PXDNL: variants seen among roughly 807,000 people sequenced by gnomAD.
The protein encoded by PXDNL is peroxidasin like.
Under a neutral mutation model 150.8 loss-of-function variants are expected in PXDNL, and 145 were observed. The ratio of observed to expected loss-of-function variants is 0.96; its 90% CI spans 0.84 to 1.10. The LOEUF (loss-of-function observed/expected upper bound fraction) is 1.10. Ranked by LOEUF, PXDNL falls within the 50% of genes least tolerant of loss-of-function variation. The pLI is 0.00. For synonymous variants in PXDNL, 757 were observed against 725.7 expected (o/e 1.04, Z -0.69); for missense variants, 2,087 against 1,873.9 (o/e 1.11, Z -2.10).
In PXDNL at chr8:51,645,456, G is replaced by A. The variant is rs183284573; in HGVS notation, c.236+9233C>T. Among the ~76,000 whole-genome samples, 277 of 152,296 alleles carry A rather than the reference G, an allele frequency of 1.8e-3. 1 individual carries two copies. Among genetic ancestry groups the A allele is most frequent in the Non-Finnish European group, 2.8e-3 (188 of 68,024 alleles). On this transcript the variant is annotated intron_variant, in intron 2 of 22. Transcript: ENST00000356297. ...ATTGAGATCATATAACATCTATTTA[G>A]AGGATCACACGGCTGCTTGAGGAGC...
intron 4 of PXDNL, among the ~76,000 whole-genome samples, chr8:51,550,141 G>A (rs903885627): frequency 5.3e-5 from 8 of 152,078 alleles, no homozygotes; most frequent in African/African-American, 1.7e-4. Context: ...GGAAGAAATA[G>A]AAACTCTGAA....
At chr8:51,608,620 G>A (rs1202402785) in intron 2 of PXDNL, among the ~76,000 whole-genome samples, 1 of 148,526 alleles carries the variant, frequency 6.7e-6, no homozygotes, top group Non-Finnish European at 1.5e-5. Flanking sequence ...GGCAGATCAC[G>A]AGGTCAGGAG....
chr8:51,563,270 G>A (rs7006276), intron 3 of PXDNL, among the ~76,000 whole-genome samples: 32,282 of 151,930 alleles, frequency 0.21, 3,745 homozygotes, highest in African/African-American at 0.29. Context: ...TCAAGGTCTG[G>A]CACTGTTTGG....
At chr8:51,770,296 C>T (rs2037278818) in intron 1 of PXDNL, among the ~76,000 whole-genome samples, 1 of 152,338 alleles carries the variant, frequency 6.6e-6, no homozygotes, top group Middle Eastern at 3.4e-3. Context: ...TGTACAGAAC[C>T]ACACACACCA....
intron 1 of PXDNL, among the ~76,000 whole-genome samples, chr8:51,703,038 T>C (rs778977646): frequency 1.3e-5 from 2 of 152,198 alleles, no homozygotes; most frequent in South Asian, 2.1e-4. Flanking sequence ...TTCTACACTT[T>C]ACATTCACTA....
intron 3 of PXDNL, among the ~76,000 whole-genome samples, chr8:51,588,290 G>C (rs949260183): frequency 1.3e-5 from 2 of 152,146 alleles, no homozygotes; most frequent in African/African-American, 2.4e-5. Context: ...AAAATTCCCT[G>C]GTTTGAAAGG....
At chr8:51,722,588 T>G (rs1166209949) in intron 1 of PXDNL, among the ~76,000 whole-genome samples, 1 of 152,096 alleles carries the variant, frequency 6.6e-6, no homozygotes, top group Non-Finnish European at 1.5e-5. Context: ...GAGGGATGGA[T>G]AGGGAGCTGG....
chr8:51,339,756 A>T lies in PXDNL; in HGVS notation c.4017-3T>A. ...CCACATATATTTTATCTTGTTGCCT[A>T]TTTATAACAAGAAGCAAATAAAATG... On this transcript the variant is annotated splice_region_variant and splice_polypyrimidine_tract_variant and intron_variant, in intron 20 of 22. Coordinates refer to ENST00000356297, the MANE Select transcript of PXDNL (RefSeq NM_144651.5). 6.3e-7 allele frequency: 1 copy of T among 1,586,798 alleles called. No homozygotes were observed. Among genetic ancestry groups the T allele is most frequent in the African/African-American group, 1.4e-5 (1 of 73,330 alleles).
intron 19 of PXDNL, among the ~76,000 whole-genome samples, chr8:51,359,483 A>C (rs1042989540): frequency 4.6e-5 from 7 of 152,196 alleles, no homozygotes; most frequent in African/African-American, 1.7e-4. Flanking sequence ...GCAAAAATAT[A>C]AAAGAGAGTA....
intron 6 of PXDNL, 65 bp from the exon 7 acceptor site, chr8:51,475,206 G>C: frequency 1.4e-6 from 2 of 1,456,238 alleles, no homozygotes; most frequent in Non-Finnish European, 1.9e-6. Flanking sequence ...TGAATCTTTT[G>C]AGTGGTAATA....
At chr8:51,634,173 C>A (rs997421546) in intron 2 of PXDNL, among the ~76,000 whole-genome samples, 5 of 152,116 alleles carry the variant, frequency 3.3e-5, no homozygotes, top group African/African-American at 1.2e-4. Flanking sequence ...ATGTAGGGAT[C>A]CAGTATCCTT....
intron 2 of PXDNL, among the ~76,000 whole-genome samples, chr8:51,641,663 C>T (rs1814759031): frequency 6.6e-6 from 1 of 151,392 alleles, no homozygotes; most frequent in African/African-American, 2.4e-5. Context: ...GAGATACCAT[C>T]TCACACCAGT....
chr8:51,525,897 G>A (rs1585549636), intron 4 of PXDNL, among the ~76,000 whole-genome samples: 1 of 152,202 alleles, frequency 6.6e-6, no homozygotes, highest in East Asian at 1.9e-4. Flanking sequence ...CTGGTTGAAC[G>A]GAGTTGTGGC....
At chr8:51,780,654 C>CTTTTTTTTTTTTTTTTT (rs71237240) in intron 1 of PXDNL, among the ~76,000 whole-genome samples, 11 of 75,184 alleles carry the variant, frequency 1.5e-4, no homozygotes, top group African/African-American at 2.2e-4. Context: ...CTTTTCTTTT[C>CTTTTTTTTTTTTTTTTT]TTTTTTTTTT....
intron 11 of PXDNL, 40 bp from the exon 12 acceptor site, chr8:51,447,202 A>G (rs1809696645): frequency 6.3e-7 from 1 of 1,597,660 alleles, no homozygotes; most frequent in South Asian, 1.1e-5. Context: ...CATGGCCCAG[A>G]GCACTGAAAG....
intron 12 of PXDNL, among the ~76,000 whole-genome samples, chr8:51,443,667 A>T (rs1809606346): frequency 1.3e-5 from 2 of 152,218 alleles, no homozygotes; most frequent in Non-Finnish European, 2.9e-5. Context: ...TTTCTACAAA[A>T]AAGTAGTGAG....
chr8:51,329,568 C>T (rs1420912104), intron 21 of PXDNL, among the ~76,000 whole-genome samples: 2 of 152,064 alleles, frequency 1.3e-5, no homozygotes, highest in East Asian at 3.9e-4. Context: ...CCACATGAGA[C>T]ACAGATGTTG....
intron 10 of PXDNL, among the ~76,000 whole-genome samples, chr8:51,451,738 T>C (rs1217353966): frequency 6.6e-6 from 1 of 152,094 alleles, no homozygotes; most frequent in African/African-American, 2.4e-5. Flanking sequence ...TAAATAGACA[T>C]TAAAAGATCA....
intron 2 of PXDNL, among the ~76,000 whole-genome samples, chr8:51,644,333 T>C (rs1442748840): frequency 1.3e-4 from 7 of 52,626 alleles, no homozygotes; most frequent in African/African-American, 2.9e-4. Context: ...TATATATATA[T>C]ATATACACAC....
Sources: allele counts gnomAD v4.1 joint callset (sites outside exome capture counted in the v4.1 genomes callset), GRCh38; gene constraint gnomAD v4.1.1; transcripts MANE v1.5; gene names NCBI Gene and HGNC (gene_info 2026-07-23, HGNC 2026-07-21).